The following TMEM242 variants were observed in gnomAD, a reference collection of about 807,000 sequenced individuals.
TMEM242 encodes transmembrane protein 242.
A neutral mutation model predicts 18.2 loss-of-function variants in TMEM242; 10 were observed. The ratio of observed to expected loss-of-function variants is 0.55; its 90% CI spans 0.34 to 0.93. The LOEUF is 0.93. Ranked by LOEUF, TMEM242 falls within the 40% of genes least tolerant of loss-of-function variation. TMEM242 has a pLI of 0.02. For synonymous variants in TMEM242, 57 were observed against 69.9 expected (o/e 0.81, Z 0.92); for missense variants, 186 against 175.5 (o/e 1.06, Z -0.34).
chr6:157,318,701 A>T, intron 3 of TMEM242, 81 bp downstream of exon 3: 1 of 1,573,734 alleles, frequency 6.4e-7, no homozygotes, highest in Non-Finnish European at 8.7e-7. Context: ...ACATGCAAAT[A>T]AATTTGAAAA....
At chr6:157,308,910 G>A (rs1369588753) in intron 3 of TMEM242, among the ~76,000 whole-genome samples, 1 of 152,220 alleles carries the variant, frequency 6.6e-6, no homozygotes, top group African/African-American at 2.4e-5. Context: ...TTTTAAAAAT[G>A]CACTTTGACT....
At chr6:157,313,851 C>A (rs1554249969) in intron 3 of TMEM242, among the ~76,000 whole-genome samples, 38 of 149,912 alleles carry the variant, frequency 2.5e-4, no homozygotes, top group Middle Eastern at 7.1e-3. Context: ...ATCACAGTGC[C>A]CCAGTGTGCA....
At chr6:157,312,084 T>C (rs1391434408) in intron 3 of TMEM242, among the ~76,000 whole-genome samples, 2 of 13,070 alleles carry the variant, frequency 1.5e-4, no homozygotes, top group Non-Finnish European at 3.2e-4. Flanking sequence ...AGCCTCAACA[T>C]AGTGCCCTAG....
chr6:157,309,538 G>A (rs1401548301), intron 3 of TMEM242, among the ~76,000 whole-genome samples: 1 of 152,044 alleles, frequency 6.6e-6, no homozygotes, highest in African/African-American at 2.4e-5. Context: ...ACGGGCACGT[G>A]CCACCATGCC....
chr6:157,307,151 A>C (rs767220072), intron 3 of TMEM242, among the ~76,000 whole-genome samples: 10 of 152,238 alleles, frequency 6.6e-5, no homozygotes, highest in Non-Finnish European at 1.5e-4. Context: ...TCAGGTCTCC[A>C]GTCCACAATG....
At chr6:157,321,587 A>G (rs782645244) in intron 2 of TMEM242, among the ~76,000 whole-genome samples, 5 of 152,212 alleles carry the variant, frequency 3.3e-5, no homozygotes, top group Non-Finnish European at 5.9e-5. Context: ...CATGGACCCA[A>G]GGATCAAGGA....
chr6:157,313,112 G>A (rs1583570933), intron 3 of TMEM242, among the ~76,000 whole-genome samples: 11 of 91,176 alleles, frequency 1.2e-4, no homozygotes, highest in African/African-American at 4.8e-5. Flanking sequence ...GTCCCAGTGT[G>A]TGCTCACCCG....
chr6:157,291,001 G>A lies in TMEM242; in HGVS notation c.*1900C>T, dbSNP rs1014294852. ...TGTGGGAAAGCAGAGCCCCCACCAT[G>A]GCCCCTGGCTCCTTCCTAGGGCCTA... is the stretch of plus-strand genomic sequence containing the variant. On this transcript the variant is annotated 3_prime_UTR_variant, in exon 4 of 4. Coordinates refer to ENST00000400788, the MANE Select transcript of TMEM242 (RefSeq NM_018452.6). 7.2e-5 allele frequency: 11 copies of A among 152,388 alleles called. No homozygotes were observed. Among genetic ancestry groups the A allele is most frequent in the African/African-American group, 2.4e-4 (10 of 41,472 alleles). The allele number at this position is 152,388 out of a possible 1,614,324, so 9.4% of individuals were successfully genotyped here. A position where few individuals can be genotyped will look rare whatever the true frequency, so the allele number is the denominator to read the frequency against.
At chr6:157,306,263 A>T (rs1777917792) in intron 3 of TMEM242, among the ~76,000 whole-genome samples, 1 of 152,226 alleles carries the variant, frequency 6.6e-6, no homozygotes, top group African/African-American at 2.4e-5. Flanking sequence ...GCAGAAGGGC[A>T]GAGAAAGGGC....
chr6:157,311,499 C>T (rs587620632), intron 3 of TMEM242, among the ~76,000 whole-genome samples: 1 of 127,878 alleles, frequency 7.8e-6, no homozygotes, highest in South Asian at 2.6e-4. Context: ...CTCACCTAGC[C>T]TCAGCATAGT....
At chr6:157,302,088 G>A (rs370809289) in intron 3 of TMEM242, among the ~76,000 whole-genome samples, 1 of 152,124 alleles carries the variant, frequency 6.6e-6, no homozygotes, top group East Asian at 1.9e-4. Flanking sequence ...CAGATACCCC[G>A]TTCAGATGAC....
intron 3 of TMEM242, among the ~76,000 whole-genome samples, chr6:157,312,066 GCTCACCTAGC>G (rs1778149305): frequency 4.0e-4 from 6 of 15,104 alleles, no homozygotes; most frequent in Admixed American, 6.7e-4. Flanking sequence ...CCCAGTGTGC[GCTCACCTAGC>G]CTCAACATAG....
At position 157,323,412 on chromosome 6, in the gene TMEM242, C is replaced by T. The variant is rs1314149626; in HGVS notation, c.88G>A (p.Gly30Ser). ...STNDRLFLVK[G>S]GIFLGTVAAA... ...CGCACCTCACCACAGCACATCTTAC[C>T]TTTAACCAGGAAAAGCCGGTCATTC... Residue 30 changes from glycine to serine, a missense_variant and splice_region_variant, in exon 1 of 4, where the codon GGT becomes AGT. Gly to Ser is a moderately conservative substitution (Grantham distance 56, BLOSUM62 0). Transcript: ENST00000400788. The T allele has an allele frequency of 9.3e-6, 15 of 1,614,046 alleles. No individual in the cohort carries two copies. Among genetic ancestry groups the T allele is most frequent in the Non-Finnish European group, 1.3e-5 (15 of 1,179,930 alleles).
chr6:157,312,523 C>T (rs376282460), intron 3 of TMEM242, among the ~76,000 whole-genome samples: 619 of 5,030 alleles, frequency 0.12, 4 homozygotes, highest in Middle Eastern at 0.38. Flanking sequence ...CTCATCATAC[C>T]GCCCCAGTGT....
intron 2 of TMEM242, among the ~76,000 whole-genome samples, chr6:157,319,918 C>T (rs1281057265): frequency 6.6e-6 from 1 of 152,156 alleles, no homozygotes; most frequent in Non-Finnish European, 1.5e-5. Flanking sequence ...CCACACATAA[C>T]GGTGCTGCAT....
intron 3 of TMEM242, among the ~76,000 whole-genome samples, chr6:157,298,559 G>A (rs1249585646): frequency 6.6e-6 from 1 of 152,156 alleles, no homozygotes; most frequent in Non-Finnish European, 1.5e-5. Context: ...TAACGACCCA[G>A]CTGAAAGGCC....
At chr6:157,312,913 C>T (rs1554249510) in intron 3 of TMEM242, among the ~76,000 whole-genome samples, 6 of 49,378 alleles carry the variant, frequency 1.2e-4, no homozygotes, top group South Asian at 6.0e-4. Context: ...ACTGTGCGCT[C>T]ACCCGGCATC....
intron 3 of TMEM242, among the ~76,000 whole-genome samples, chr6:157,309,745 T>C (rs1323353032): frequency 6.8e-6 from 1 of 147,910 alleles, no homozygotes; most frequent in Non-Finnish European, 1.5e-5. Flanking sequence ...AAAACTCCCT[T>C]CATTTATACA....
At chr6:157,309,294 A>G (rs1402617325) in intron 3 of TMEM242, among the ~76,000 whole-genome samples, 1 of 152,096 alleles carries the variant, frequency 6.6e-6, no homozygotes, top group Non-Finnish European at 1.5e-5. Context: ...TTTTTTTTTT[A>G]AACGAGTACA....
Sources: allele counts gnomAD v4.1 joint callset (sites outside exome capture counted in the v4.1 genomes callset), GRCh38; gene constraint gnomAD v4.1.1; transcripts MANE v1.5; gene names NCBI Gene and HGNC (gene_info 2026-07-23, HGNC 2026-07-21).